SLC8A1: variants seen among roughly 807,000 people sequenced by gnomAD.
SLC8A1 encodes solute carrier family 8 member A1, also known as sodium/calcium exchanger 1.
Under a neutral mutation model 68.3 loss-of-function variants are expected in SLC8A1, and 18 were observed. The observed-to-expected ratio is 0.26, with a 90% confidence interval of 0.18 to 0.39. SLC8A1 has a LOEUF of 0.39. SLC8A1 is among the 10% of genes least tolerant of loss of function. The pLI is 1.00. For missense variants in SLC8A1, 985 were observed against 1,156.7 expected, an observed-to-expected ratio of 0.85 and a Z score of 2.15; for synonymous variants, 475 against 415.5, an observed-to-expected ratio of 1.14 and a Z score of -1.74.
At chr2:40,144,442 G>T (rs1409213729) in intron 6 of SLC8A1, among the ~76,000 whole-genome samples, 2 of 152,160 alleles carry the variant, frequency 1.3e-5, no homozygotes, top group Non-Finnish European at 2.9e-5. Flanking sequence ...TGATCTAACA[G>T]TCCAGGGAAC....
intron 2 of SLC8A1, among the ~76,000 whole-genome samples, chr2:40,214,734 G>A (rs536628040): frequency 2.6e-5 from 4 of 152,062 alleles, no homozygotes; most frequent in Admixed American, 6.5e-5. Context: ...CACTGCATCC[G>A]GCCTGTTTGT....
intron 2 of SLC8A1, among the ~76,000 whole-genome samples, chr2:40,392,753 C>T (rs1042227421): frequency 2.6e-5 from 4 of 151,892 alleles, no homozygotes; most frequent in Non-Finnish European, 2.9e-5. Flanking sequence ...AAAAAGAAAA[C>T]GGAGAAGAGG....
intron 2 of SLC8A1, among the ~76,000 whole-genome samples, chr2:40,284,060 C>G (rs1403304505): frequency 1.3e-5 from 2 of 152,008 alleles, no homozygotes; most frequent in African/African-American, 4.8e-5. Context: ...TAGCTCAGAC[C>G]CTAAGGAGGT....
chr2:40,099,159 G>C (rs1241429561), exon 8 of SLC8A1: 1 of 152,046 alleles, frequency 6.6e-6, no homozygotes, highest in Non-Finnish European at 1.5e-5. Context: ...GGTCAGCAAA[G>C]AGAGTATGTA....
At chr2:40,215,375 C>T (rs980795526) in intron 2 of SLC8A1, among the ~76,000 whole-genome samples, 5 of 152,038 alleles carry the variant, frequency 3.3e-5, no homozygotes, top group African/African-American at 7.2e-5. Context: ...CAGTGGCTCA[C>T]GCCTGTAATC....
At chr2:40,115,976 C>T (rs566263103) in intron 7 of SLC8A1, among the ~76,000 whole-genome samples, 1 of 152,284 alleles carries the variant, frequency 6.6e-6, no homozygotes, top group Non-Finnish European at 1.5e-5. Context: ...GGGGTCCTTT[C>T]AAAGAGTGAG....
At chr2:40,236,916 T>C (rs1472031780) in intron 2 of SLC8A1, among the ~76,000 whole-genome samples, 73 of 152,274 alleles carry the variant, frequency 4.8e-4, no homozygotes, top group Non-Finnish European at 1.5e-5. Context: ...TTTAAGAATG[T>C]TGAACATTGG....
intron 1 of SLC8A1, among the ~76,000 whole-genome samples, chr2:40,463,023 T>C (rs1703435970): frequency 1.3e-5 from 2 of 150,800 alleles, no homozygotes; most frequent in Admixed American, 6.6e-5. Context: ...AAAAAAAAAA[T>C]GGGGCTTTCA....
At chr2:40,158,638 T>C (rs886262649) in intron 6 of SLC8A1, among the ~76,000 whole-genome samples, 1 of 152,170 alleles carries the variant, frequency 6.6e-6, no homozygotes, top group Non-Finnish European at 1.5e-5. Flanking sequence ...GGCCAGTCTC[T>C]CTGTGAGAGT....
intron 2 of SLC8A1, among the ~76,000 whole-genome samples, chr2:40,330,082 G>T (rs1009024383): frequency 2.6e-5 from 4 of 152,162 alleles, no homozygotes; most frequent in African/African-American, 7.2e-5. Flanking sequence ...GATGCTAGAT[G>T]CATATCTTAA....
intron 2 of SLC8A1, among the ~76,000 whole-genome samples, chr2:40,185,083 A>G (rs2050459798): frequency 6.6e-6 from 1 of 152,156 alleles, no homozygotes; most frequent in African/African-American, 2.4e-5. Context: ...CACTAGGAAG[A>G]CTACGATAAA....
At chr2:40,295,716 G>T (rs1258248845) in intron 2 of SLC8A1, among the ~76,000 whole-genome samples, 3 of 152,128 alleles carry the variant, frequency 2.0e-5, no homozygotes, top group African/African-American at 7.2e-5. Context: ...CCTATATAGT[G>T]ATAATGTGAT....
At chr2:40,324,863 A>T (rs1025345789) in intron 2 of SLC8A1, among the ~76,000 whole-genome samples, 4 of 152,176 alleles carry the variant, frequency 2.6e-5, no homozygotes, top group African/African-American at 9.6e-5. Context: ...GAGGAAAAGA[A>T]CATCCTCTGA....
At chr2:40,255,271 T>TCTGCACACTTG (rs1471903630) in intron 2 of SLC8A1, 3 of 152,034 alleles carry the variant, frequency 2.0e-5, no homozygotes, top group African/African-American at 7.2e-5. Flanking sequence ...ATCCTTACCA[T>TCTGCACACTTG]CTGCACACTT....
chr2:40,428,810 A>T (rs1298824160), exon 2 of SLC8A1: 1 of 1,613,684 alleles, frequency 6.2e-7, no homozygotes, highest in Non-Finnish European at 8.5e-7. Context: ...TGCACAAGGA[A>T]ATTTTCATCC....
intron 2 of SLC8A1, 24 bp from the exon 3 acceptor site, chr2:40,178,517 C>G: frequency 6.4e-7 from 1 of 1,570,940 alleles, no homozygotes; most frequent in Non-Finnish European, 8.7e-7. Context: ...TAGAAATTGA[C>G]GAACAAGGGG....
At chr2:40,222,118 T>A (rs997200538) in intron 2 of SLC8A1, among the ~76,000 whole-genome samples, 2 of 152,148 alleles carry the variant, frequency 1.3e-5, no homozygotes, top group African/African-American at 4.8e-5. Flanking sequence ...GATTTCAAAC[T>A]ATAGTACAAG....
intron 2 of SLC8A1, among the ~76,000 whole-genome samples, chr2:40,212,798 C>T (rs1225007644): frequency 3.3e-5 from 5 of 152,200 alleles, no homozygotes; most frequent in Non-Finnish European, 5.9e-5. Flanking sequence ...TGCTTGAACT[C>T]AGAGTTCCTG....
chr2:40,482,510 A>G (rs1704693152), intron 1 of SLC8A1, among the ~76,000 whole-genome samples: 1 of 152,188 alleles, frequency 6.6e-6, no homozygotes, highest in African/African-American at 2.4e-5. Context: ...CATAAGCTTC[A>G]TATTATATGC....
Sources: gnomAD v4.1 joint callset for allele counts (sites outside exome capture counted in the v4.1 genomes callset) on GRCh38, gnomAD v4.1.1 for gene constraint, MANE v1.5 for transcripts, NCBI Gene and HGNC (gene_info 2026-07-23, HGNC 2026-07-21) for gene names.